CGGBP1: variants seen among roughly 807,000 people sequenced by gnomAD.
The protein encoded by CGGBP1 is CGG triplet repeat binding protein 1, also known as CGG triplet repeat-binding protein 1.
In CGGBP1, 4 loss-of-function variants were observed where a neutral mutation model predicts 11.4. The observed-to-expected ratio is 0.35, with a 90% confidence interval of 0.17 to 0.80. CGGBP1 has a LOEUF of 0.80. CGGBP1 is among the 30% of genes least tolerant of loss of function. The pLI is 0.52. For synonymous variants in CGGBP1, 76 were observed against 74.1 expected (o/e 1.03, Z -0.13); for missense variants, 135 against 202.1 (o/e 0.67, Z 2.01).
rs113215109 is a variant in CGGBP1, at chr3:88,080,777, T to G, written c.-228-22554A>C. On this transcript the variant is annotated intron_variant, in intron 2 of 3. Coordinates refer to the CGGBP1 transcript ENST00000462901. ...TATCAAATAACATCCAGAAAATCTA[T>G]AACAACATTGAAATTTGAGGGAAAA... Among the ~76,000 whole-genome samples, 458 of 152,328 alleles carry G rather than the reference T, an allele frequency of 3.0e-3. 2 individuals carry two copies. The highest frequency in any genetic ancestry group is 0.011 in the African/African-American group (438 of 41,584).
At chr3:88,084,150 G>C (rs1708224642) in intron 2 of CGGBP1, among the ~76,000 whole-genome samples, 1 of 152,108 alleles carries the variant, frequency 6.6e-6, no homozygotes, top group Admixed American at 6.5e-5. Context: ...TGTTAGGTTT[G>C]GCCTCAGCTA....
intron 2 of CGGBP1, among the ~76,000 whole-genome samples, chr3:88,094,615 A>G (rs554152724): frequency 1.6e-4 from 25 of 152,286 alleles, no homozygotes; most frequent in African/African-American, 5.5e-4. Flanking sequence ...AAATTAGAGC[A>G]AAACAGCAGT....
chr3:88,059,731 G>C (rs1310724837), upstream of CGGBP1, among the ~76,000 whole-genome samples: 5 of 152,022 alleles, frequency 3.3e-5, no homozygotes, highest in Non-Finnish European at 7.4e-5. Flanking sequence ...TGAGTTTGTC[G>C]GGGATGGAGG....
intron 2 of CGGBP1, chr3:88,138,893 T>A: frequency 8.1e-7 from 1 of 1,233,210 alleles, no homozygotes; most frequent in Non-Finnish European, 1.0e-6. Context: ...TAGAAGCGTA[T>A]CGTACTGTTG....
intron 2 of CGGBP1, among the ~76,000 whole-genome samples, chr3:88,104,617 C>T (rs1704622599): frequency 6.6e-6 from 1 of 152,066 alleles, no homozygotes; most frequent in Non-Finnish European, 1.5e-5. Flanking sequence ...CCTAAAGCAC[C>T]ATAATATTAT....
chr3:88,116,488 C>A (rs779091955), intron 2 of CGGBP1, among the ~76,000 whole-genome samples: 1 of 151,740 alleles, frequency 6.6e-6, no homozygotes, highest in Non-Finnish European at 1.5e-5. Context: ...CCATCGCACT[C>A]CATCCAGCCA....
chr3:88,100,298 A>T (rs920430727), intron 2 of CGGBP1, among the ~76,000 whole-genome samples: 1 of 152,168 alleles, frequency 6.6e-6, no homozygotes, highest in South Asian at 2.1e-4. Context: ...AGTTAGAATG[A>T]CAATCATTAA....
chr3:88,095,938 A>G (rs1336719562), intron 2 of CGGBP1: 2 of 360,920 alleles, frequency 5.5e-6, no homozygotes, highest in African/African-American at 2.2e-5. Flanking sequence ...TTCTCTGATG[A>G]AATGTTAGCT....
chr3:88,120,443 C>T (rs1193288540), intron 2 of CGGBP1, among the ~76,000 whole-genome samples: 1 of 152,092 alleles, frequency 6.6e-6, no homozygotes, highest in Middle Eastern at 3.2e-3. Context: ...GATGAAGAAA[C>T]TTTAGTTTGG....
upstream of CGGBP1, chr3:88,059,545 C>T (rs369485022): frequency 5.5e-6 from 8 of 1,451,930 alleles, no homozygotes; most frequent in East Asian, 1.0e-4. Flanking sequence ...TCACCCGGGT[C>T]CTGGGCCTCT....
chr3:88,059,825 A>G (rs150212390), upstream of CGGBP1, among the ~76,000 whole-genome samples: 311 of 152,174 alleles, frequency 2.0e-3, no homozygotes, highest in Non-Finnish European at 3.6e-3. Flanking sequence ...CCTGCCCGAG[A>G]GTCCCGCCTT....
At chr3:88,097,407 A>G (rs1374678705) in intron 2 of CGGBP1, among the ~76,000 whole-genome samples, 3 of 151,930 alleles carry the variant, frequency 2.0e-5, no homozygotes, top group Non-Finnish European at 2.9e-5. Context: ...CCCACTGTCA[A>G]TATTAGACAG....
chr3:88,117,869 A>G (rs1033227151), intron 2 of CGGBP1, among the ~76,000 whole-genome samples: 1 of 152,044 alleles, frequency 6.6e-6, no homozygotes, highest in African/African-American at 2.4e-5. Context: ...GCATAGAGAA[A>G]GTTGTTAAGT....
At chr3:88,059,686 G>A (rs1330849508), upstream of CGGBP1, among the ~76,000 whole-genome samples, 1 of 152,092 alleles carries the variant, frequency 6.6e-6, no homozygotes, top group African/African-American at 2.4e-5. Context: ...GGAGCAAGGC[G>A]AGGGTGACCC....
At chr3:88,089,433 G>A (rs534883294) in intron 2 of CGGBP1, among the ~76,000 whole-genome samples, 40 of 151,842 alleles carry the variant, frequency 2.6e-4, no homozygotes, top group African/African-American at 8.7e-4. Flanking sequence ...GGAGGTTGCA[G>A]TGAGCCAAGA....
Position 88,055,368 on chromosome 3 carries a change from C to T in CGGBP1, c.*105G>A, listed in dbSNP as rs569335493. 176 of 1,142,240 alleles carry T rather than the reference C, an allele frequency of 1.5e-4. 1 individual carries two copies. The East Asian group carries it at 3.4e-3, about 22-fold the overall frequency. 70.8% of individuals were successfully genotyped at this position (1,142,240 alleles called of 1,614,324 possible). ...ATATACACATTGCAAAACTATTCTG[C>T]GTCACATGATTTTAAATGAAATAAA... On this transcript the variant is annotated 3_prime_UTR_variant, in exon 4 of 4. Coordinates refer to ENST00000482016, the MANE Select transcript of CGGBP1 (RefSeq NM_001008390.2). The surrounding 1 kb of genome is among the most constrained non-coding windows in gnomAD (Gnocchi z 4.2).
rs372267612 is a variant in CGGBP1 at position 88,055,448 on chromosome 3, G to T, written c.*25C>A. 62 of 1,496,308 alleles carry T rather than the reference G, an allele frequency of 4.1e-5. No homozygotes were observed. The highest frequency in any genetic ancestry group is 5.1e-5 in the Non-Finnish European group (57 of 1,119,446). The allele number at this position is 1,496,308 out of a possible 1,614,324, so 92.7% of individuals were successfully genotyped here. Reference sequence around the variant, plus strand: ...AACTTTAATACTCCACATTTATCTTGATCACAATGGTGGTAACCTCCTAGT... The same window carrying T: ...AACTTTAATACTCCACATTTATCTTTATCACAATGGTGGTAACCTCCTAGT... On this transcript the variant is annotated 3_prime_UTR_variant, in exon 4 of 4. Transcript: ENST00000482016. This position sits in a 1 kb window ranked among gnomAD's most constrained non-coding sequence, Gnocchi z 4.2.
chr3:88,149,018 C>T (rs184292866), intron 1 of CGGBP1, among the ~76,000 whole-genome samples: 30 of 152,238 alleles, frequency 2.0e-4, no homozygotes, highest in South Asian at 8.3e-4. Flanking sequence ...AATGGCAATA[C>T]CCCAATTAAA....
At chr3:88,098,533 G>T (rs1023373912) in intron 2 of CGGBP1, among the ~76,000 whole-genome samples, 3 of 152,090 alleles carry the variant, frequency 2.0e-5, no homozygotes, top group African/African-American at 7.2e-5. Context: ...AACAAAAAAT[G>T]AGAATTTTAG....
Sources: allele counts gnomAD v4.1 joint callset (sites outside exome capture counted in the v4.1 genomes callset), GRCh38; gene constraint gnomAD v4.1.1; non-coding constraint Gnocchi (gnomAD v3.1); transcripts MANE v1.5; gene names NCBI Gene and HGNC (gene_info 2026-07-23, HGNC 2026-07-21).